Variants in MED13 observed in about 807,000 individuals in gnomAD.
MED13 encodes mediator of RNA polymerase II transcription subunit 13.
In MED13, 23 loss-of-function variants were observed where a neutral mutation model predicts 225.2. The ratio of observed to expected loss-of-function variants is 0.10; its 90% CI spans 0.07 to 0.14. MED13 has a LOEUF of 0.14. MED13 is among the 10% of genes least tolerant of loss of function. MED13 has a pLI of 1.00. For missense variants in MED13, 2,197 were observed against 2,594.5 expected (o/e 0.85, Z 3.33); for synonymous variants, 942 against 889.2 (o/e 1.06, Z -1.06).
intron 23 of MED13, among the ~76,000 whole-genome samples, chr17:61,958,721 C>G (rs1301141070): frequency 2.0e-5 from 3 of 152,136 alleles, no homozygotes; most frequent in Non-Finnish European, 4.4e-5. Flanking sequence ...GATCCGCCCA[C>G]CTTGCCCTCC....
At position 61,944,693 on chromosome 17, in the gene MED13, AAAAC is replaced by A. The variant is rs1278927243; in HGVS notation, c.*1771_*1774del. ...ACAAGTTTCAGTAAAAAAAAAAACT[AAAAC>A]AAACACTGAAGTAGAGTTTTGTAAA... On this transcript the variant is annotated 3_prime_UTR_variant, in exon 30 of 30. Coordinates refer to ENST00000397786, the MANE Select transcript of MED13 (RefSeq NM_005121.3). 9 of 152,682 alleles carry A rather than the reference AAAAC, an allele frequency of 5.9e-5. No homozygotes were observed. The highest frequency in any genetic ancestry group is 1.7e-4 in the African/African-American group (7 of 41,564). 9.5% of individuals were successfully genotyped at this position (152,682 alleles called of 1,614,324 possible).
At chr17:61,995,879 T>C (rs2080342567) in intron 9 of MED13, among the ~76,000 whole-genome samples, 1 of 152,176 alleles carries the variant, frequency 6.6e-6, no homozygotes, top group African/African-American at 2.4e-5. Context: ...TTCATGAAAA[T>C]AGCATTATTA....
At chr17:61,950,572 C>T (rs543162350) in intron 28 of MED13, among the ~76,000 whole-genome samples, 7 of 152,054 alleles carry the variant, frequency 4.6e-5, no homozygotes, top group Non-Finnish European at 8.8e-5. Flanking sequence ...TCAGTAGAGA[C>T]GAGGTTTCGC....
intron 23 of MED13, among the ~76,000 whole-genome samples, chr17:61,957,616 AGGATT>A (rs902405670): frequency 3.0e-4 from 46 of 151,078 alleles, no homozygotes; most frequent in Non-Finnish European, 6.1e-4. Flanking sequence ...ACAAAGTGCT[AGGATT>A]ACAGGCGTGA....
chr17:62,050,913 G>C (rs1273106209), intron 3 of MED13, among the ~76,000 whole-genome samples: 1 of 152,190 alleles, frequency 6.6e-6, no homozygotes, highest in African/African-American at 2.4e-5. Context: ...ACTGAGGCAG[G>C]AGAATCACTT....
intron 16 of MED13, among the ~76,000 whole-genome samples, chr17:61,973,557 T>C (rs2080127436): frequency 6.6e-6 from 1 of 152,216 alleles, no homozygotes; most frequent in Non-Finnish European, 1.5e-5. Flanking sequence ...ATTGATATAA[T>C]AAATGTGGCC....
chr17:61,993,700 C>A (rs926702646), intron 10 of MED13, among the ~76,000 whole-genome samples: 1 of 151,660 alleles, frequency 6.6e-6, no homozygotes, highest in Admixed American at 6.6e-5. Context: ...GAGGCCGAGG[C>A]GGGCGGATCA....
chr17:61,949,962 C>A (rs1245360004), intron 28 of MED13, among the ~76,000 whole-genome samples: 2 of 152,180 alleles, frequency 1.3e-5, no homozygotes, highest in Non-Finnish European at 2.9e-5. Context: ...GGATTACAGG[C>A]ATGAGCCACT....
chr17:62,051,517 A>G (rs771452974), intron 3 of MED13, among the ~76,000 whole-genome samples: 97 of 152,326 alleles, frequency 6.4e-4, no homozygotes, highest in Non-Finnish European at 1.3e-3. Context: ...AACTTACACA[A>G]GTATTTTGTT....
At chr17:62,024,479 C>T (rs905499814) in intron 8 of MED13, among the ~76,000 whole-genome samples, 1 of 152,090 alleles carries the variant, frequency 6.6e-6, no homozygotes, top group Non-Finnish European at 1.5e-5. Flanking sequence ...AGTTTAGGAA[C>T]TAAAACAGAA....
chr17:61,990,623 C>CTG (rs200169547), intron 11 of MED13, among the ~76,000 whole-genome samples: 1,555 of 98,108 alleles, frequency 0.016, 15 homozygotes, highest in African/African-American at 0.026. Context: ...ACTTGGCGCA[C>CTG]TGTGTATATA....
chr17:62,062,806 G>A (rs1277105549), intron 2 of MED13, among the ~76,000 whole-genome samples: 1 of 151,846 alleles, frequency 6.6e-6, no homozygotes, highest in East Asian at 1.9e-4. Flanking sequence ...TGCCTTCTTC[G>A]GGCCCTAACT....
At chr17:62,020,685 CTTTTTT>C (rs78598460) in intron 8 of MED13, among the ~76,000 whole-genome samples, 6 of 100,792 alleles carry the variant, frequency 6.0e-5, no homozygotes, top group Non-Finnish European at 1.3e-4. Context: ...GGCCTGCTTT[CTTTTTT>C]TTTTTTTTTT....
At chr17:62,054,417 C>A (rs2080981209) in intron 2 of MED13, among the ~76,000 whole-genome samples, 1 of 151,982 alleles carries the variant, frequency 6.6e-6, no homozygotes, top group Non-Finnish European at 1.5e-5. Context: ...TAATATTAAT[C>A]ATAAATATTA....
intron 10 of MED13, 83 bp downstream of exon 10, chr17:61,995,069 G>C: frequency 1.1e-6 from 1 of 938,662 alleles, no homozygotes; most frequent in Non-Finnish European, 1.6e-6. Flanking sequence ...AAAGAAGTGA[G>C]ATAACTGTGG....
In MED13 at chr17:61,984,199, C is replaced by T; in HGVS notation, c.2860G>A (p.Gly954Arg). The stretch of plus-strand genomic sequence containing the variant: ...TCTTTGATGAATGGCATTGAAGGCC[C>T]TGAAGAAAGCAATTCCAATTTTCCA... ...TVGKLELLSS[G>R]PSMPFIKEGD... Residue 954 changes from glycine to arginine, a missense_variant, in exon 15 of 30, where the codon GGG (glycine) becomes AGG (arginine). By Grantham distance (125) the Gly-to-Arg change is moderately radical. This residue lies in a region of MED13 where 160 missense variants were observed against 184.8 expected (regional missense o/e 0.87). Coordinates refer to ENST00000397786, the MANE Select transcript of MED13 (RefSeq NM_005121.3). The T allele has an allele frequency of 6.3e-7, 1 of 1,591,130 alleles. No homozygotes were observed. The highest frequency in any genetic ancestry group is 8.5e-7 in the Non-Finnish European group (1 of 1,170,158).
chr17:62,011,474 T>C (rs2080508610), intron 8 of MED13, among the ~76,000 whole-genome samples: 1 of 152,166 alleles, frequency 6.6e-6, no homozygotes, highest in South Asian at 2.1e-4. Flanking sequence ...AGCCATGTGA[T>C]CAGACAGCCA....
At chr17:62,037,955 CAAAAAAAAAAAAAAAAAA>C (rs397857634) in intron 3 of MED13, among the ~76,000 whole-genome samples, 1 of 64,728 alleles carries the variant, frequency 1.5e-5, no homozygotes, top group South Asian at 4.7e-4. Context: ...GACTTCATCT[CAAAAAAAAAAAAAAAAAA>C]AAAAAAAAAA....
chr17:61,957,045 G>A (rs2079951667), intron 23 of MED13, among the ~76,000 whole-genome samples: 2 of 151,870 alleles, frequency 1.3e-5, no homozygotes, highest in South Asian at 4.2e-4. Flanking sequence ...ACTGCTCTAC[G>A]CCAGGGATTT....
Sources: gnomAD v4.1 joint callset for allele counts (sites outside exome capture counted in the v4.1 genomes callset) on GRCh38, gnomAD v4.1.1 for gene constraint, gnomAD v4.1.1 regional missense constraint, MANE v1.5 for transcripts, NCBI Gene and HGNC (gene_info 2026-07-23, HGNC 2026-07-21) for gene names.